Variants in MACROD2 observed in about 807,000 individuals in gnomAD.
MACROD2 encodes ADP-ribose glycohydrolase MACROD2.
Under a neutral mutation model 70.4 loss-of-function variants are expected in MACROD2, and 36 were observed. The observed-to-expected ratio is 0.51, with a 90% CI of 0.39 to 0.68. MACROD2 has a LOEUF of 0.68. Among genes scored for constraint, MACROD2 ranks in the 30% least tolerant of loss-of-function variants. The pLI is 0.00. For missense variants in MACROD2, 496 were observed against 538.4 expected, an observed-to-expected ratio of 0.92 and a Z score of 0.78; for synonymous variants, 172 against 178.8, an observed-to-expected ratio of 0.96 and a Z score of 0.30.
intron 3 of MACROD2, among the ~76,000 whole-genome samples, chr20:14,240,701 A>AG (rs2081921390): frequency 6.6e-6 from 1 of 152,180 alleles, no homozygotes; most frequent in Non-Finnish European, 1.5e-5. Context: ...GGGCAGAAGG[A>AG]GGGAGGACAT....
At chr20:16,006,672 G>C (rs1433381336) in intron 15 of MACROD2, among the ~76,000 whole-genome samples, 1 of 152,124 alleles carries the variant, frequency 6.6e-6, no homozygotes, top group African/African-American at 2.4e-5. Flanking sequence ...GAGGGGCCCA[G>C]GCTCTCCCTC....
intron 8 of MACROD2, among the ~76,000 whole-genome samples, chr20:15,594,424 C>A (rs1337350965): frequency 6.6e-6 from 1 of 152,106 alleles, no homozygotes; most frequent in Non-Finnish European, 1.5e-5. Flanking sequence ...TGTGTATGTT[C>A]CTCACAGACC....
At chr20:14,902,538 T>C (rs1204979855) in intron 5 of MACROD2, among the ~76,000 whole-genome samples, 1 of 152,156 alleles carries the variant, frequency 6.6e-6, no homozygotes, top group Admixed American at 6.5e-5. Flanking sequence ...AGTGACCTTT[T>C]TCAGAGAGCT....
At chr20:15,464,644 T>C (rs1441355549) in intron 7 of MACROD2, among the ~76,000 whole-genome samples, 3 of 152,214 alleles carry the variant, frequency 2.0e-5, no homozygotes, top group Non-Finnish European at 4.4e-5. Flanking sequence ...TCTGACTGTA[T>C]TGAAGATAAT....
intron 2 of MACROD2, among the ~76,000 whole-genome samples, chr20:14,026,121 T>A (rs568756456): frequency 2.0e-5 from 3 of 152,314 alleles, no homozygotes; most frequent in Admixed American, 2.0e-4. Context: ...TCTTTTTTGA[T>A]CTTTGTTGGT....
chr20:14,435,712 A>ATT (rs66776909), intron 3 of MACROD2, among the ~76,000 whole-genome samples: 254 of 148,650 alleles, frequency 1.7e-3, no homozygotes, highest in African/African-American at 3.2e-3. Flanking sequence ...TATAGAAGTC[A>ATT]TTTTTTTTTT....
chr20:14,100,762 TATA>T lies in MACROD2; in HGVS notation c.271+15037_271+15039del, dbSNP rs889728702. On this transcript the variant is annotated intron_variant, in intron 3 of 17. Coordinates refer to ENST00000684519, the MANE Select transcript of MACROD2 (RefSeq NM_001351661.2). ...AAATATAATATATAATATATAAAAA[TATA>T]ATCTATAATATATATTACATATTAT... Among the ~76,000 whole-genome samples, 27 of 139,940 alleles carry T rather than the reference TATA, an allele frequency of 1.9e-4. No individual in the cohort carries two copies. The East Asian group carries it at 4.8e-3, about 25-fold the overall frequency. 91.8% of individuals were successfully genotyped at this position (139,940 alleles called of 152,430 possible).
intron 5 of MACROD2, among the ~76,000 whole-genome samples, chr20:15,172,327 T>A (rs2076428681): frequency 6.6e-6 from 1 of 152,016 alleles, no homozygotes; most frequent in African/African-American, 2.4e-5. Context: ...ACAAAACAAG[T>A]TGGGGAAGGA....
At chr20:15,194,354 G>A (rs2076591834) in intron 5 of MACROD2, among the ~76,000 whole-genome samples, 1 of 150,968 alleles carries the variant, frequency 6.6e-6, no homozygotes, top group African/African-American at 2.4e-5. Flanking sequence ...TTAAATCAGA[G>A]TTTATTAGTG....
intron 4 of MACROD2, among the ~76,000 whole-genome samples, chr20:14,506,058 C>T (rs990290365): frequency 1.1e-4 from 16 of 152,208 alleles, no homozygotes; most frequent in African/African-American, 3.9e-4. Flanking sequence ...GGGGGGTGGG[C>T]AGGTTGTGCC....
intron 5 of MACROD2, among the ~76,000 whole-genome samples, chr20:14,844,323 G>C (rs2073116997): frequency 6.6e-6 from 1 of 151,840 alleles, no homozygotes; most frequent in African/African-American, 2.4e-5. Context: ...AGACCAGCCT[G>C]GCTAACATGA....
intron 5 of MACROD2, among the ~76,000 whole-genome samples, chr20:14,860,485 C>T (rs1164131354): frequency 2.0e-5 from 3 of 152,184 alleles, no homozygotes; most frequent in East Asian, 3.9e-4. Flanking sequence ...CTTTTCAAGC[C>T]TGTGGGCAGA....
chr20:15,700,378 G>A (rs112315175), intron 8 of MACROD2, among the ~76,000 whole-genome samples: 27 of 152,320 alleles, frequency 1.8e-4, no homozygotes, highest in African/African-American at 5.5e-4. Flanking sequence ...CGATGGTTTC[G>A]CAGGGGCATC....
At chr20:15,796,418 C>T (rs2063674698) in intron 8 of MACROD2, among the ~76,000 whole-genome samples, 1 of 152,208 alleles carries the variant, frequency 6.6e-6, no homozygotes, top group South Asian at 2.1e-4. Context: ...TTGATGTACA[C>T]ATTTGTTTCA....
At chr20:14,666,469 A>G (rs530823725) in intron 4 of MACROD2, among the ~76,000 whole-genome samples, 16 of 152,228 alleles carry the variant, frequency 1.1e-4, no homozygotes, top group Middle Eastern at 3.4e-3. Flanking sequence ...AATTGTCCTT[A>G]CCATCCCTCA....
chr20:15,461,006 A>ATATATATTTTT, intron 7 of MACROD2, among the ~76,000 whole-genome samples: 12 of 67,014 alleles, frequency 1.8e-4, no homozygotes, highest in African/African-American at 5.1e-4. Context: ...ATATATATAT[A>ATATATATTTTT]TTTTTTTTTA....
At chr20:14,090,424 T>C (rs148341110) in intron 3 of MACROD2, among the ~76,000 whole-genome samples, 5,843 of 152,032 alleles carry the variant, frequency 0.038, 156 homozygotes, top group Middle Eastern at 0.11. Context: ...AATACAAAAA[T>C]TAGCTGGGCA....
chr20:14,918,834 G>A (rs750883500), intron 5 of MACROD2, among the ~76,000 whole-genome samples: 10 of 152,074 alleles, frequency 6.6e-5, no homozygotes, highest in Non-Finnish European at 1.3e-4. Flanking sequence ...TATCACTGAT[G>A]TGTTTCAGTC....
chr20:14,502,496 G>A (rs2084925613), intron 4 of MACROD2, among the ~76,000 whole-genome samples: 2 of 151,996 alleles, frequency 1.3e-5, no homozygotes, highest in Admixed American at 6.6e-5. Flanking sequence ...TTATTGTTTT[G>A]TATACTAGTT....
Sources: allele counts gnomAD v4.1 joint callset (sites outside exome capture counted in the v4.1 genomes callset), GRCh38; gene constraint gnomAD v4.1.1; transcripts MANE v1.5; gene names NCBI Gene and HGNC (gene_info 2026-07-23, HGNC 2026-07-21).